ARMC7: variants seen among roughly 807,000 people sequenced by gnomAD.
ARMC7 encodes the protein armadillo repeat-containing protein 7.
Under a neutral mutation model 14.8 loss-of-function variants are expected in ARMC7, and 9 were observed. The ratio of observed to expected loss-of-function variants is 0.61; its 90% confidence interval spans 0.37 to 1.06. The LOEUF (loss-of-function observed/expected upper bound fraction) is 1.06, where lower values mean the gene tolerates loss of function less well. Ranked by LOEUF, ARMC7 falls within the 50% of genes least tolerant of loss-of-function variation. ARMC7 has a pLI of 0.01. For synonymous variants in ARMC7, 125 were observed against 123.4 expected, an observed-to-expected ratio of 1.01 and a Z score of -0.09; for missense variants, 262 against 267.1, an observed-to-expected ratio of 0.98 and a Z score of 0.13.
chr17:75,115,331 G>A (rs2073966047), intron 2 of ARMC7, among the ~76,000 whole-genome samples: 1 of 152,170 alleles, frequency 6.6e-6, no homozygotes, highest in African/African-American at 2.4e-5. Context: ...CTTGAGGTCA[G>A]GAGTTCGAGA....
intron 2 of ARMC7, among the ~76,000 whole-genome samples, chr17:75,118,558 C>T (rs1010419959): frequency 6.6e-6 from 1 of 152,228 alleles, no homozygotes; most frequent in Admixed American, 6.5e-5. Context: ...CCGGCTACAG[C>T]GACCGCGGAG....
chr17:75,121,562 G>A (rs754300279), intron 2 of ARMC7, among the ~76,000 whole-genome samples: 1 of 152,020 alleles, frequency 6.6e-6, no homozygotes, highest in Non-Finnish European at 1.5e-5. Flanking sequence ...TGCATGTGTA[G>A]GCCACCATGC....
At chr17:75,110,426 G>C (rs1224337366) in intron 1 of ARMC7, 37 bp from the exon 2 acceptor site, 1 of 1,614,148 alleles carries the variant, frequency 6.2e-7, no homozygotes. Context: ...TGTGACCGCC[G>C]CCCGGACCTG....
intron 2 of ARMC7, among the ~76,000 whole-genome samples, chr17:75,123,918 A>G (rs1001763142): frequency 2.6e-5 from 4 of 152,194 alleles, no homozygotes; most frequent in Non-Finnish European, 5.9e-5. Context: ...ACTCAAAAAA[A>G]AAAGTACTGT....
At chr17:75,124,761 C>T (rs2074039233) in intron 2 of ARMC7, among the ~76,000 whole-genome samples, 3 of 152,224 alleles carry the variant, frequency 2.0e-5, no homozygotes, top group Non-Finnish European at 2.9e-5. Flanking sequence ...ATCTCTTTAG[C>T]GTTTTGGGCA....
At chr17:75,114,281 C>A (rs1359740190) in intron 2 of ARMC7, 8 of 400,754 alleles carry the variant, frequency 2.0e-5, no homozygotes, top group Non-Finnish European at 3.5e-5. Flanking sequence ...GAAAAATTGG[C>A]GGAAGTCACA....
chr17:75,112,700 C>T (rs539884517), intron 2 of ARMC7, among the ~76,000 whole-genome samples: 4 of 151,450 alleles, frequency 2.6e-5, no homozygotes, highest in Admixed American at 6.6e-5. Flanking sequence ...CTTAGCCTCC[C>T]GAGTAGCTGT....
intron 2 of ARMC7, among the ~76,000 whole-genome samples, chr17:75,111,443 CA>C (rs370414151): frequency 0.019 from 2,663 of 143,896 alleles, 36 homozygotes; most frequent in Non-Finnish European, 0.031. Flanking sequence ...GACTCTGTCT[CA>C]AAAAAAAAAG....
intron 2 of ARMC7, among the ~76,000 whole-genome samples, chr17:75,121,011 A>G (rs1245224245): frequency 6.6e-6 from 1 of 152,134 alleles, no homozygotes; most frequent in African/African-American, 2.4e-5. Flanking sequence ...CCACTATTCT[A>G]ACCTCTATCC....
intron 2 of ARMC7, among the ~76,000 whole-genome samples, chr17:75,119,594 A>AC (rs1240544669): frequency 6.7e-6 from 1 of 148,800 alleles, no homozygotes; most frequent in Non-Finnish European, 1.5e-5. Flanking sequence ...GACTACAGGC[A>AC]CCCGCTACCA....
chr17:75,110,253 C>G lies in ARMC7; in HGVS notation c.-36C>G. Reference sequence around the variant, plus strand: ...TTTCCCCCTGCACCTTTCCCACCCTCCCGCCCGTCCCTGGGGGTCCTCCGT... The same window carrying G: ...TTTCCCCCTGCACCTTTCCCACCCTGCCGCCCGTCCCTGGGGGTCCTCCGT... On this transcript the variant is annotated 5_prime_UTR_variant, in exon 1 of 3. Transcript: ENST00000245543. The G allele has an allele frequency of 6.5e-7, 1 of 1,544,402 alleles. No individual in the cohort carries two copies.
rs1468718106 is a variant in ARMC7, at chr17:75,129,313, C to T, written c.*275C>T. 3 of 521,390 alleles carry T rather than the reference C, an allele frequency of 5.8e-6. No individual in the cohort carries two copies. The highest frequency in any genetic ancestry group is 1.0e-5 in the Non-Finnish European group (3 of 296,646). The allele number at this position is 521,390 out of a possible 1,614,324, so 32.3% of individuals were successfully genotyped here. ...GTGCCACCACCACCAGACTCAGGCCCTGGTGTAAGAAGCGGCCAAGTGCCT... is the reference window on the plus strand; with the variant it reads ...GTGCCACCACCACCAGACTCAGGCCTTGGTGTAAGAAGCGGCCAAGTGCCT... On this transcript the variant is annotated 3_prime_UTR_variant, in exon 3 of 3. Transcript: ENST00000245543.
At chr17:75,111,729 A>G (rs1463600759) in intron 2 of ARMC7, among the ~76,000 whole-genome samples, 1 of 146,804 alleles carries the variant, frequency 6.8e-6, no homozygotes, top group African/African-American at 2.7e-5. Context: ...CAAAACGAGA[A>G]TCTGTCTCAA....
chr17:75,127,403 A>G (rs1217898933), intron 2 of ARMC7, among the ~76,000 whole-genome samples: 3 of 151,642 alleles, frequency 2.0e-5, no homozygotes, highest in Non-Finnish European at 1.5e-5. Context: ...ACCGGGTTCA[A>G]GCTATTCTGC....
In ARMC7 at chr17:75,110,494, C is replaced by CAACTTCGCT; in HGVS notation, c.124_132dup (p.Asn42_Ala44dup). The CAACTTCGCT allele has an allele frequency of 6.2e-7, 1 of 1,614,236 alleles. No homozygotes were observed. Among genetic ancestry groups the CAACTTCGCT allele is most frequent in the Non-Finnish European group, 8.5e-7 (1 of 1,180,038 alleles). On this transcript the variant is annotated inframe_insertion, in exon 2 of 3. Coordinates refer to ENST00000245543, the MANE Select transcript of ARMC7 (RefSeq NM_024585.4). Reference sequence around the variant, plus strand: ...AGGAGCAAGTCCTCGCCAACCTCGCCAACTTCGCTTATGACCCCAGCAACT... The same window carrying CAACTTCGCT: ...AGGAGCAAGTCCTCGCCAACCTCGCCAACTTCGCTAACTTCGCTTATGACCCCAGCAACT...
chr17:75,117,649 G>A (rs766934483), intron 2 of ARMC7, among the ~76,000 whole-genome samples: 1 of 152,060 alleles, frequency 6.6e-6, no homozygotes, highest in Non-Finnish European at 1.5e-5. Flanking sequence ...TACAAATTTG[G>A]CATCAGCAAA....
At position 75,110,090 on chromosome 17, in the gene ARMC7, C is replaced by G. The variant is rs2073896560; in HGVS notation, c.-199C>G. 1.7e-6 allele frequency: 1 copy of G among 583,870 alleles called. No homozygotes were observed. Among genetic ancestry groups the G allele is most frequent in the Non-Finnish European group, 3.0e-6 (1 of 334,080 alleles). The allele number at this position is 583,870 out of a possible 1,614,324, so 36.2% of individuals were successfully genotyped here. On this transcript the variant is annotated 5_prime_UTR_variant, in exon 1 of 3. Coordinates refer to ENST00000245543, the MANE Select transcript of ARMC7 (RefSeq NM_024585.4). ...TTTCAAACGCAACTCCTACAGGATTCTGAGACCCCGTCCCATCTCCCATAT... is the reference window on the plus strand; with the variant it reads ...TTTCAAACGCAACTCCTACAGGATTGTGAGACCCCGTCCCATCTCCCATAT...
rs147340090 is a variant in ARMC7, at chr17:75,119,446, G to GTTTTTT, written c.235+8841_235+8846dup. On this transcript the variant is annotated intron_variant, in intron 2 of 2. Coordinates refer to ENST00000245543, the MANE Select transcript of ARMC7 (RefSeq NM_024585.4). ...ACTTCTGAAAATACCCTGTGATACA[G>GTTTTTT]TTTTTTCTTTTTTTTTTTTTGAGAC... is the stretch of plus-strand genomic sequence containing the variant. Among the ~76,000 whole-genome samples the GTTTTTT allele has an allele frequency of 8.3e-5, 10 of 120,062 alleles. 3 individuals carry two copies. The highest frequency in any genetic ancestry group is 2.7e-4 in the Admixed American group (3 of 11,296). The allele number at this position is 120,062 out of a possible 152,430, so 78.8% of individuals were successfully genotyped here.
At chr17:75,127,589 C>G in intron 2 of ARMC7, among the ~76,000 whole-genome samples, 1 of 152,076 alleles carries the variant, frequency 6.6e-6, no homozygotes, top group South Asian at 2.1e-4. Flanking sequence ...CGTGAGCCAC[C>G]GCTCCCAGCC....
Sources: gnomAD v4.1 joint callset for allele counts (sites outside exome capture counted in the v4.1 genomes callset) on GRCh38, gnomAD v4.1.1 for gene constraint, MANE v1.5 for transcripts, NCBI Gene and HGNC (gene_info 2026-07-23, HGNC 2026-07-21) for gene names.